WWOX: variants seen among roughly 807,000 people sequenced by gnomAD.
WWOX encodes the protein WW domain-containing oxidoreductase.
Under a neutral mutation model 46.2 loss-of-function variants are expected in WWOX, and 69 were observed. That is an observed-to-expected ratio of 1.49 (90% CI 1.23 to 1.82). The LOEUF is 1.82. WWOX is among the 40% of genes most tolerant of loss of function. The pLI, the probability that WWOX is intolerant of heterozygous loss-of-function variation, is 0.00. For missense variants in WWOX, 919 were observed against 542.6 expected, an observed-to-expected ratio of 1.69 and a Z score of -6.89; for synonymous variants, 359 against 202.6, an observed-to-expected ratio of 1.77 and a Z score of -6.56.
chr16:78,283,955 G>A (rs2079726636), intron 5 of WWOX, among the ~76,000 whole-genome samples: 3 of 152,020 alleles, frequency 2.0e-5, no homozygotes, highest in Non-Finnish European at 4.4e-5. Flanking sequence ...ACCTCTGAAG[G>A]GTACAGTAAC....
At chr16:78,239,709 A>G (rs2037568844) in intron 5 of WWOX, among the ~76,000 whole-genome samples, 1 of 151,630 alleles carries the variant, frequency 6.6e-6, no homozygotes, top group Admixed American at 6.6e-5. Context: ...TAGTTTTTGT[A>G]TTTTTTAGTA....
chr16:79,093,926 G>C (rs928120869), intron 8 of WWOX, among the ~76,000 whole-genome samples: 8 of 152,168 alleles, frequency 5.3e-5, no homozygotes, highest in Non-Finnish European at 1.0e-4. Context: ...AAGAGAGAAA[G>C]GGGAGGAAGC....
chr16:78,247,262 C>T (rs2037843605), intron 5 of WWOX, among the ~76,000 whole-genome samples: 1 of 152,132 alleles, frequency 6.6e-6, no homozygotes, highest in Admixed American at 6.5e-5. Flanking sequence ...TGTTTGGAAT[C>T]ACCAAGCATG....
chr16:78,264,974 C>A, intron 5 of WWOX: 1 of 140,122 alleles, frequency 7.1e-6, no homozygotes, highest in African/African-American at 2.7e-5. Flanking sequence ...CCCTCCCCTC[C>A]CTTCCCTTCC....
At chr16:79,034,578 T>A (rs1353933746) in intron 8 of WWOX, among the ~76,000 whole-genome samples, 1 of 152,202 alleles carries the variant, frequency 6.6e-6, no homozygotes, top group Admixed American at 6.5e-5. Flanking sequence ...TTCCCAGATA[T>A]TTATTCTGTT....
chr16:78,885,533 G>C (rs1010944766), intron 8 of WWOX, among the ~76,000 whole-genome samples: 1 of 152,138 alleles, frequency 6.6e-6, no homozygotes, highest in Non-Finnish European at 1.5e-5. Flanking sequence ...AACTAATTAT[G>C]GGCAGATTGT....
chr16:78,808,073 T>C (rs1265053618), intron 8 of WWOX, among the ~76,000 whole-genome samples: 1 of 152,216 alleles, frequency 6.6e-6, no homozygotes, highest in East Asian at 1.9e-4. Context: ...AGGCATCCCC[T>C]TCCCCATTTG....
chr16:78,770,996 GA>G (rs1275057729), intron 8 of WWOX, among the ~76,000 whole-genome samples: 7 of 152,228 alleles, frequency 4.6e-5, no homozygotes, highest in African/African-American at 1.7e-4. Flanking sequence ...GCAGAGACAT[GA>G]AGGAAGGGAT....
chr16:79,105,386 G>A (rs763836466), intron 8 of WWOX, among the ~76,000 whole-genome samples: 5 of 152,024 alleles, frequency 3.3e-5, no homozygotes, highest in South Asian at 2.1e-4. Flanking sequence ...CTCCATATTC[G>A]TACCCATGTA....
At chr16:78,522,332 A>G (rs2043366741) in intron 8 of WWOX, among the ~76,000 whole-genome samples, 1 of 152,112 alleles carries the variant, frequency 6.6e-6, no homozygotes, top group Non-Finnish European at 1.5e-5. Context: ...GGAACATTAA[A>G]GCACAACAAA....
chr16:78,144,929 A>G (rs756070110), intron 4 of WWOX, among the ~76,000 whole-genome samples: 6 of 152,110 alleles, frequency 3.9e-5, no homozygotes, highest in Admixed American at 1.3e-4. Context: ...ATTTTATTCA[A>G]TTTTCCTAAC....
At chr16:79,063,348 C>A (rs555289968) in intron 8 of WWOX, among the ~76,000 whole-genome samples, 1 of 152,164 alleles carries the variant, frequency 6.6e-6, no homozygotes, top group Non-Finnish European at 1.5e-5. Flanking sequence ...TATTTCCTGG[C>A]GTGCGTATCT....
chr16:78,993,090 AT>A (rs957489271), intron 8 of WWOX, among the ~76,000 whole-genome samples: 1 of 151,966 alleles, frequency 6.6e-6, no homozygotes, highest in African/African-American at 2.4e-5. Flanking sequence ...CGGGGAGGAA[AT>A]TTAACTTTTG....
At chr16:78,715,022 C>G (rs150301524) in intron 8 of WWOX, among the ~76,000 whole-genome samples, 1 of 152,088 alleles carries the variant, frequency 6.6e-6, no homozygotes, top group East Asian at 1.9e-4. Flanking sequence ...TGTGGTGGCT[C>G]ATAATCCCAG....
chr16:78,751,866 A>G (rs2142452551), intron 8 of WWOX, among the ~76,000 whole-genome samples: 1 of 152,224 alleles, frequency 6.6e-6, no homozygotes, highest in Admixed American at 6.5e-5. Flanking sequence ...GAAAGAAATT[A>G]ATTCCCATTT....
chr16:78,364,553 G>GA (rs550760286), intron 5 of WWOX, among the ~76,000 whole-genome samples: 4 of 123,538 alleles, frequency 3.2e-5, no homozygotes, highest in South Asian at 2.5e-4. Flanking sequence ...GACTCCGGAA[G>GA]AAAAAAAAAT....
chr16:78,691,578 T>G (rs2047989114), intron 8 of WWOX, among the ~76,000 whole-genome samples: 2 of 152,180 alleles, frequency 1.3e-5, no homozygotes, highest in Admixed American at 1.3e-4. Context: ...TATAGTGGTG[T>G]GCACCTGAAG....
Position 78,215,892 on chromosome 16 carries a change from C to T in WWOX, c.516+51603C>T, listed in dbSNP as rs376875986. ...AGTGAGCCGAGATCATGCCACTGCA[C>T]TCTAGCCTGGGTGATTCCATCTCAA... On this transcript the variant is annotated intron_variant, in intron 5 of 8. Transcript: ENST00000566780. Among the ~76,000 whole-genome samples, 19 of 151,644 alleles carry T rather than the reference C, an allele frequency of 1.3e-4. No individual in the cohort carries two copies. In the East Asian group the frequency reaches 2.3e-3, roughly 19 times the overall value.
chr16:78,945,668 T>G (rs890509426), intron 8 of WWOX, among the ~76,000 whole-genome samples: 1 of 152,204 alleles, frequency 6.6e-6, no homozygotes, highest in Non-Finnish European at 1.5e-5. Flanking sequence ...TTGGCATCTT[T>G]TTTTCTTTGA....
Sources: allele counts gnomAD v4.1 joint callset (sites outside exome capture counted in the v4.1 genomes callset), GRCh38; gene constraint gnomAD v4.1.1; transcripts MANE v1.5; gene names NCBI Gene and HGNC (gene_info 2026-07-23, HGNC 2026-07-21).